Variants in CDH13 observed in about 807,000 individuals in gnomAD.
CDH13 encodes cadherin-13.
CDH13 carries 24 observed loss-of-function variants against 63.8 expected under a neutral mutation model. The ratio of observed to expected loss-of-function variants is 0.38; its 90% CI spans 0.27 to 0.53. The LOEUF (loss-of-function observed/expected upper bound fraction) is 0.53, where lower values mean the gene tolerates loss of function less well. Ranked by LOEUF, CDH13 falls within the 20% of genes least tolerant of loss-of-function variation. CDH13 has a pLI of 0.85. For missense variants in CDH13, 1,049 were observed against 903.1 expected (o/e 1.16, Z -2.07); for synonymous variants, 503 against 355.3 (o/e 1.42, Z -4.67).
intron 1 of CDH13, among the ~76,000 whole-genome samples, chr16:82,837,137 G>C (rs2038801382): frequency 6.6e-6 from 1 of 152,162 alleles, no homozygotes; most frequent in African/African-American, 2.4e-5. Flanking sequence ...GGGCACTGTG[G>C]GTGAGCCCAG....
intron 4 of CDH13, among the ~76,000 whole-genome samples, chr16:83,175,644 T>C (rs1483107989): frequency 6.6e-6 from 1 of 150,920 alleles, no homozygotes; most frequent in Non-Finnish European, 1.5e-5. Context: ...TGAGGAAGGA[T>C]ACGAAAATGC....
At position 82,656,312 on chromosome 16, in the gene CDH13, C is replaced by CGTGT. The variant is rs111540944; in HGVS notation, c.45+29196_45+29199dup. 2.7e-3 allele frequency among the ~76,000 whole-genome samples: 393 copies of CGTGT among 146,562 alleles called. 1 individual carries two copies. The highest frequency in any genetic ancestry group is 7.3e-3 in the African/African-American group (291 of 40,092). On this transcript the variant is annotated intron_variant, in intron 1 of 13. Transcript: ENST00000567109. Reference sequence around the variant, plus strand: ...CACCTGGTTGCATTTGAATGGTGTGCGTGTGTGTGTGTGTGTGTGTGTGTT... The same window carrying CGTGT: ...CACCTGGTTGCATTTGAATGGTGTGCGTGTGTGTGTGTGTGTGTGTGTGTGTGTT...
At chr16:83,060,159 A>G (rs1242065849) in intron 3 of CDH13, among the ~76,000 whole-genome samples, 1 of 151,978 alleles carries the variant, frequency 6.6e-6, no homozygotes, top group Non-Finnish European at 1.5e-5. Flanking sequence ...CAAAAAGCTG[A>G]TTTTCTGTTT....
chr16:83,086,156 T>G (rs879614867), intron 3 of CDH13, among the ~76,000 whole-genome samples: 12 of 152,212 alleles, frequency 7.9e-5, no homozygotes, highest in Non-Finnish European at 1.3e-4. Context: ...AGGCCACTGG[T>G]GTCTTCCAGT....
chr16:82,768,306 C>A (rs1267041212), intron 1 of CDH13, among the ~76,000 whole-genome samples: 1 of 152,168 alleles, frequency 6.6e-6, no homozygotes, highest in Non-Finnish European at 1.5e-5. Context: ...GATAATGATG[C>A]CTCTCACATG....
At chr16:82,808,843 A>T (rs2037291971) in intron 1 of CDH13, among the ~76,000 whole-genome samples, 1 of 152,142 alleles carries the variant, frequency 6.6e-6, no homozygotes, top group Non-Finnish European at 1.5e-5. Flanking sequence ...TCTGCCAAAA[A>T]TTAATTCATT....
chr16:83,416,441 C>T (rs1446306285), intron 6 of CDH13, among the ~76,000 whole-genome samples: 1 of 152,202 alleles, frequency 6.6e-6, no homozygotes, highest in East Asian at 1.9e-4. Flanking sequence ...GCAGATTCAC[C>T]TGTGACTATA....
chr16:83,510,918 C>T (rs867559998), intron 7 of CDH13, among the ~76,000 whole-genome samples: 1 of 152,224 alleles, frequency 6.6e-6, no homozygotes, highest in African/African-American at 2.4e-5. Context: ...AAAATTTACC[C>T]TTGAAAACTT....
intron 6 of CDH13, among the ~76,000 whole-genome samples, chr16:83,454,532 T>A (rs770151447): frequency 1.2e-4 from 19 of 152,182 alleles, no homozygotes; most frequent in Non-Finnish European, 2.4e-4. Flanking sequence ...CATCCCAGAT[T>A]GCTGTATGGT....
At chr16:83,378,842 C>G (rs1334142058) in intron 6 of CDH13, among the ~76,000 whole-genome samples, 2 of 152,172 alleles carry the variant, frequency 1.3e-5, no homozygotes, top group African/African-American at 4.8e-5. Context: ...CTAAAATCAT[C>G]ATAGGATTCA....
chr16:83,192,552 G>A (rs922255370), intron 4 of CDH13, among the ~76,000 whole-genome samples: 7 of 152,160 alleles, frequency 4.6e-5, no homozygotes, highest in African/African-American at 1.7e-4. Flanking sequence ...TGTATCCAAA[G>A]AAGAAATGTA....
chr16:83,321,448 A>T (rs6563894), intron 5 of CDH13, among the ~76,000 whole-genome samples: 87,083 of 151,422 alleles, frequency 0.58, 25,124 homozygotes, highest in Middle Eastern at 0.69. Context: ...TTTCATGCAA[A>T]ATGCTATGGC....
intron 2 of CDH13, among the ~76,000 whole-genome samples, chr16:82,930,939 C>T (rs2042471432): frequency 6.6e-6 from 1 of 152,210 alleles, no homozygotes; most frequent in African/African-American, 2.4e-5. Flanking sequence ...TAATGTTCGA[C>T]TTGTGGCTTT....
intron 3 of CDH13, among the ~76,000 whole-genome samples, chr16:83,114,716 C>T (rs1222128987): frequency 3.9e-5 from 6 of 152,126 alleles, no homozygotes; most frequent in Non-Finnish European, 8.8e-5. Context: ...AAATTTGCTG[C>T]AGAAAGTTGG....
intron 10 of CDH13, among the ~76,000 whole-genome samples, chr16:83,706,312 C>G (rs1235235624): frequency 6.6e-6 from 1 of 152,192 alleles, no homozygotes; most frequent in Non-Finnish European, 1.5e-5. Context: ...CCTCAGAAAT[C>G]ATACAGTGTC....
intron 10 of CDH13, among the ~76,000 whole-genome samples, chr16:83,720,738 G>A (rs773176661): frequency 3.3e-4 from 50 of 152,164 alleles, no homozygotes; most frequent in Non-Finnish European, 6.5e-4. Context: ...GAGGGAATCC[G>A]ACTCATGAGA....
intron 1 of CDH13, among the ~76,000 whole-genome samples, chr16:82,716,147 C>A (rs1394434873): frequency 6.6e-6 from 1 of 152,188 alleles, no homozygotes; most frequent in East Asian, 1.9e-4. Flanking sequence ...TGCCAGAGAG[C>A]CATGGCACTC....
chr16:82,663,537 A>T (rs1352486010), intron 1 of CDH13, among the ~76,000 whole-genome samples: 1 of 152,134 alleles, frequency 6.6e-6, no homozygotes, highest in Non-Finnish European at 1.5e-5. Context: ...ACTCCCCTAG[A>T]AATTCACTGA....
At chr16:83,091,418 A>C (rs112066728) in intron 3 of CDH13, among the ~76,000 whole-genome samples, 156 of 152,346 alleles carry the variant, frequency 1.0e-3, no homozygotes, top group Non-Finnish European at 1.4e-3. Context: ...AGATGTTGCC[A>C]TTCTCTATGA....
Sources: gnomAD v4.1 joint callset for allele counts (sites outside exome capture counted in the v4.1 genomes callset) on GRCh38, gnomAD v4.1.1 for gene constraint, MANE v1.5 for transcripts, NCBI Gene and HGNC (gene_info 2026-07-23, HGNC 2026-07-21) for gene names.